The following CTNNA3 variants were observed in gnomAD, a reference collection of about 807,000 sequenced individuals.
The protein encoded by CTNNA3 is catenin alpha-3.
In CTNNA3, 76 loss-of-function variants were observed where a neutral mutation model predicts 95.7. The observed-to-expected ratio is 0.79, with a 90% confidence interval of 0.66 to 0.96. CTNNA3 has a LOEUF of 0.96. CTNNA3 is among the 40% of genes least tolerant of loss of function. CTNNA3 has a pLI of 0.00. For synonymous variants in CTNNA3, 431 were observed against 374.4 expected (o/e 1.15, Z -1.74); for missense variants, 1,191 against 1,089.8 (o/e 1.09, Z -1.31).
intron 9 of CTNNA3, among the ~76,000 whole-genome samples, chr10:66,650,514 G>C (rs569049758): frequency 6.6e-6 from 1 of 152,282 alleles, no homozygotes; most frequent in East Asian, 1.9e-4. Flanking sequence ...TGATGTGTCC[G>C]GAATTGGTGG....
chr10:67,259,866 A>AG (rs1866524779), intron 5 of CTNNA3, among the ~76,000 whole-genome samples: 1 of 152,164 alleles, frequency 6.6e-6, no homozygotes, highest in Non-Finnish European at 1.5e-5. Context: ...TAATTGGGAT[A>AG]GTGTTGGAAG....
intron 7 of CTNNA3, among the ~76,000 whole-genome samples, chr10:67,043,359 C>T (rs1384882454): frequency 6.6e-6 from 1 of 151,970 alleles, no homozygotes; most frequent in Non-Finnish European, 1.5e-5. Flanking sequence ...AGAACCACAG[C>T]AATAATAGTG....
intron 2 of CTNNA3, among the ~76,000 whole-genome samples, chr10:67,629,463 C>A (rs1839066413): frequency 6.6e-6 from 1 of 152,140 alleles, no homozygotes; most frequent in Non-Finnish European, 1.5e-5. Context: ...GGTTTGGGAG[C>A]ACAAGTGAGT....
chr10:66,660,147 G>T (rs6480194), intron 9 of CTNNA3, among the ~76,000 whole-genome samples: 100,115 of 151,838 alleles, frequency 0.66, 33,900 homozygotes, highest in East Asian at 0.95. Context: ...GAGAGAATAG[G>T]GAATTAACCT....
At chr10:66,168,534 A>G (rs1003367823) in intron 13 of CTNNA3, among the ~76,000 whole-genome samples, 1 of 151,806 alleles carries the variant, frequency 6.6e-6, no homozygotes, top group African/African-American at 2.4e-5. Context: ...TTTGCCCGGA[A>G]TGTTCTTTTA....
intron 10 of CTNNA3, among the ~76,000 whole-genome samples, chr10:66,589,903 A>AC (rs1843488827): frequency 5.9e-5 from 9 of 152,068 alleles, no homozygotes; most frequent in Non-Finnish European, 1.0e-4. Context: ...TGTGATTCCC[A>AC]TCATAAACGC....
chr10:66,434,857 G>T (rs983640278), intron 11 of CTNNA3, among the ~76,000 whole-genome samples: 6 of 151,734 alleles, frequency 4.0e-5, no homozygotes, highest in Non-Finnish European at 8.8e-5. Context: ...AGCATGAAGG[G>T]GTGTTGAATT....
At chr10:66,821,568 T>A (rs1842305344) in intron 7 of CTNNA3, among the ~76,000 whole-genome samples, 1 of 152,186 alleles carries the variant, frequency 6.6e-6, no homozygotes, top group African/African-American at 2.4e-5. Context: ...AACCCACTGA[T>A]CTTTATTACA....
intron 9 of CTNNA3, among the ~76,000 whole-genome samples, chr10:66,754,612 T>C (rs1839292165): frequency 6.6e-6 from 1 of 152,088 alleles, no homozygotes; most frequent in Admixed American, 6.6e-5. Flanking sequence ...TTGCGAATCA[T>C]ATATCTGATA....
intron 10 of CTNNA3, among the ~76,000 whole-genome samples, chr10:66,588,696 C>T (rs569555221): frequency 1.3e-4 from 20 of 151,828 alleles, no homozygotes; most frequent in African/African-American, 3.4e-4. Context: ...AAGTCAGACA[C>T]GAAGAAAAGG....
At chr10:66,258,785 C>A (rs2090886971) in intron 13 of CTNNA3, among the ~76,000 whole-genome samples, 2 of 152,104 alleles carry the variant, frequency 1.3e-5, no homozygotes, top group African/African-American at 4.8e-5. Context: ...AATATATTAA[C>A]CCTCCTGGGA....
intron 3 of CTNNA3, among the ~76,000 whole-genome samples, chr10:67,589,742 T>C (rs1842737498): frequency 6.6e-6 from 1 of 152,108 alleles, no homozygotes; most frequent in African/African-American, 2.4e-5. Flanking sequence ...AAGCAAAAGC[T>C]AAAACCTGGA....
At chr10:66,549,295 C>T (rs537956365) in intron 10 of CTNNA3, among the ~76,000 whole-genome samples, 2 of 152,116 alleles carry the variant, frequency 1.3e-5, no homozygotes, top group African/African-American at 4.8e-5. Context: ...CACGCCCGGC[C>T]GCCTTTCTTC....
chr10:67,165,534 A>G (rs997996782), intron 7 of CTNNA3, among the ~76,000 whole-genome samples: 2 of 152,194 alleles, frequency 1.3e-5, no homozygotes, highest in African/African-American at 4.8e-5. Flanking sequence ...TTGTTTTGAT[A>G]TCTTGCTATA....
intron 13 of CTNNA3, among the ~76,000 whole-genome samples, chr10:66,162,654 G>T (rs756546125): frequency 6.6e-6 from 1 of 152,082 alleles, no homozygotes. Context: ...TCTTAGCTTT[G>T]GTCATTTAAT....
chr10:67,438,096 A>C (rs1423259684), intron 5 of CTNNA3, among the ~76,000 whole-genome samples: 1 of 152,152 alleles, frequency 6.6e-6, no homozygotes, highest in Non-Finnish European at 1.5e-5. Flanking sequence ...AAAATAAATA[A>C]ATTAAGAGGA....
intron 7 of CTNNA3, among the ~76,000 whole-genome samples, chr10:66,823,709 C>A (rs1379852410): frequency 6.6e-6 from 1 of 152,164 alleles, no homozygotes; most frequent in Non-Finnish European, 1.5e-5. Flanking sequence ...AGACACTGCG[C>A]TGGACACTTT....
intron 17 of CTNNA3, 27 bp downstream of exon 17, chr10:65,966,585 A>G: frequency 1.3e-6 from 2 of 1,584,146 alleles, no homozygotes; most frequent in Non-Finnish European, 1.7e-6. Context: ...TCCACCTGTG[A>G]TCATGTAAGT....
intron 6 of CTNNA3, among the ~76,000 whole-genome samples, chr10:67,212,805 A>G (rs1370538392): frequency 2.6e-5 from 4 of 151,954 alleles, no homozygotes; most frequent in South Asian, 2.1e-4. Flanking sequence ...CAACTTTGTC[A>G]TAATGACTTT....
Sources: allele counts gnomAD v4.1 joint callset (sites outside exome capture counted in the v4.1 genomes callset), GRCh38; gene constraint gnomAD v4.1.1; transcripts MANE v1.5; gene names NCBI Gene and HGNC (gene_info 2026-07-23, HGNC 2026-07-21).